RGS17: variants seen among roughly 807,000 people sequenced by gnomAD.
The protein encoded by RGS17 is regulator of G protein signaling 17.
In RGS17, 12 loss-of-function variants were observed where a neutral mutation model predicts 25.5. The ratio of observed to expected loss-of-function variants is 0.47; its 90% CI spans 0.30 to 0.76. The LOEUF is 0.76. Among genes scored for constraint, RGS17 ranks in the 30% least tolerant of loss-of-function variants. The pLI, the probability that RGS17 is intolerant of heterozygous loss-of-function variation, is 0.07. For synonymous variants in RGS17, 71 were observed against 76.9 expected (o/e 0.92, Z 0.40); for missense variants, 196 against 242.2 (o/e 0.81, Z 1.27).
chr6:153,100,530 A>G (rs142217230), intron 1 of RGS17, among the ~76,000 whole-genome samples: 1,305 of 108,914 alleles, frequency 0.012, 12 homozygotes, highest in South Asian at 0.036. Flanking sequence ...ATTACCCATC[A>G]CCTAAAAAGA....
At chr6:153,064,102 C>T (rs1420195356) in intron 1 of RGS17, among the ~76,000 whole-genome samples, 4 of 152,122 alleles carry the variant, frequency 2.6e-5, no homozygotes, top group Admixed American at 1.3e-4. Context: ...TAACAGAGTA[C>T]TTCAATCAGA....
rs374422319 is a variant in RGS17 at position 153,109,649 on chromosome 6, T to A, written c.-26+21475A>T. Among the ~76,000 whole-genome samples the A allele has an allele frequency of 1.4e-3, 157 of 115,228 alleles. 2 individuals carry two copies. Among genetic ancestry groups the A allele is most frequent in the African/African-American group, 5.2e-3 (152 of 29,006 alleles). The allele number at this position is 115,228 out of a possible 152,430, so 75.6% of individuals were successfully genotyped here. On this transcript the variant is annotated intron_variant, in intron 1 of 4. Transcript: ENST00000206262. ...ATTTCAGATGCTTCAAGTAAAGCCA[T>A]TAGAAAAAAACAATTTGTAACATTT...
chr6:153,022,076 C>T (rs1235858218), intron 4 of RGS17, among the ~76,000 whole-genome samples: 2 of 152,074 alleles, frequency 1.3e-5, no homozygotes, highest in African/African-American at 2.4e-5. Context: ...GGCGTGTTGG[C>T]GGGTGCCTGT....
At chr6:153,013,182 G>A (rs1283095861) in intron 4 of RGS17, among the ~76,000 whole-genome samples, 2 of 152,094 alleles carry the variant, frequency 1.3e-5, no homozygotes, top group Non-Finnish European at 2.9e-5. Flanking sequence ...CTGTGTCTCT[G>A]TGTCACATTT....
At chr6:153,021,696 A>T (rs78379293) in intron 4 of RGS17, among the ~76,000 whole-genome samples, 1 of 152,344 alleles carries the variant, frequency 6.6e-6, no homozygotes, top group Non-Finnish European at 1.5e-5. Flanking sequence ...AATTAGAACA[A>T]GTTGAATTTC....
intron 1 of RGS17, among the ~76,000 whole-genome samples, chr6:153,106,394 G>C (rs563332430): frequency 1.3e-5 from 2 of 151,882 alleles, no homozygotes; most frequent in South Asian, 2.1e-4. Context: ...AAGGCACACA[G>C]AAGTGGCAAA....
intron 2 of RGS17, among the ~76,000 whole-genome samples, chr6:153,033,662 G>A (rs757849769): frequency 6.6e-6 from 1 of 152,120 alleles, no homozygotes; most frequent in Non-Finnish European, 1.5e-5. Context: ...AGGTTGCAGT[G>A]AGCTGAGATG....
At chr6:153,060,349 A>C (rs1054152827) in intron 1 of RGS17, among the ~76,000 whole-genome samples, 4 of 152,132 alleles carry the variant, frequency 2.6e-5, no homozygotes, top group East Asian at 3.9e-4. Context: ...CGGACATCCT[A>C]AACAGTCTCA....
chr6:153,112,430 A>C (rs2129125585), intron 1 of RGS17, among the ~76,000 whole-genome samples: 1 of 152,342 alleles, frequency 6.6e-6, no homozygotes, highest in African/African-American at 2.4e-5. Flanking sequence ...TATGGAAAAG[A>C]CCAAATCTAC....
chr6:153,036,348 C>T (rs191542578), intron 2 of RGS17, among the ~76,000 whole-genome samples: 8 of 152,220 alleles, frequency 5.3e-5, no homozygotes, highest in Non-Finnish European at 7.4e-5. Context: ...CCACTGTGCC[C>T]GGCCCCCTTG....
chr6:153,035,711 T>C lies in RGS17; in HGVS notation c.119+8189A>G, dbSNP rs367981776. On this transcript the variant is annotated intron_variant, in intron 2 of 4. Coordinates refer to ENST00000206262, the MANE Select transcript of RGS17 (RefSeq NM_012419.5). ...GGATTTGGAATGGTTGAATTTCATA[T>C]TGCCTTGGAAAATGAATAATTTGCT... Among the ~76,000 whole-genome samples, 381 of 152,318 alleles carry C rather than the reference T, an allele frequency of 2.5e-3. 2 individuals carry two copies. Among genetic ancestry groups the C allele is most frequent in the African/African-American group, 8.6e-3 (356 of 41,578 alleles).
chr6:153,109,321 T>C (rs1777433188), intron 1 of RGS17, among the ~76,000 whole-genome samples: 1 of 152,218 alleles, frequency 6.6e-6, no homozygotes, highest in African/African-American at 2.4e-5. Context: ...ACTTTGCCAA[T>C]GAGTTTATGA....
chr6:153,114,594 A>G (rs1226842713), intron 1 of RGS17, among the ~76,000 whole-genome samples: 1 of 152,232 alleles, frequency 6.6e-6, no homozygotes, highest in Non-Finnish European at 1.5e-5. Flanking sequence ...GGCTGGCATC[A>G]TCCTGATACC....
intron 1 of RGS17, among the ~76,000 whole-genome samples, chr6:153,117,463 T>C (rs1196834115): frequency 6.6e-6 from 1 of 152,102 alleles, no homozygotes; most frequent in Non-Finnish European, 1.5e-5. Context: ...TATCAAACAA[T>C]CTCATCCAAT....
intron 1 of RGS17, among the ~76,000 whole-genome samples, chr6:153,079,984 A>T (rs962177382): frequency 1.3e-5 from 2 of 151,832 alleles, no homozygotes; most frequent in African/African-American, 4.8e-5. Context: ...TCTGTTTTTT[A>T]TTTTTATTTA....
At chr6:153,107,699 G>A (rs1279230345) in intron 1 of RGS17, among the ~76,000 whole-genome samples, 1 of 152,134 alleles carries the variant, frequency 6.6e-6, no homozygotes, top group Non-Finnish European at 1.5e-5. Flanking sequence ...CACTTGCTCT[G>A]TTTCACCTGA....
intron 1 of RGS17, among the ~76,000 whole-genome samples, chr6:153,083,533 T>C (rs1430706194): frequency 6.6e-6 from 1 of 152,238 alleles, no homozygotes; most frequent in Non-Finnish European, 1.5e-5. Context: ...GTGGTAAGTC[T>C]GTTTTTATGG....
At chr6:153,052,284 T>C (rs771694065) in intron 1 of RGS17, among the ~76,000 whole-genome samples, 2 of 152,018 alleles carry the variant, frequency 1.3e-5, no homozygotes, top group African/African-American at 4.8e-5. Flanking sequence ...GGGCCTGGAG[T>C]GCACAGCATC....
intron 1 of RGS17, among the ~76,000 whole-genome samples, chr6:153,066,083 A>G (rs1029133867): frequency 2.0e-5 from 3 of 152,158 alleles, no homozygotes; most frequent in Admixed American, 6.5e-5. Flanking sequence ...AAAGTCAAAA[A>G]TGAAAAAGGA....
Sources: allele counts gnomAD v4.1 joint callset (sites outside exome capture counted in the v4.1 genomes callset), GRCh38; gene constraint gnomAD v4.1.1; transcripts MANE v1.5; gene names NCBI Gene and HGNC (gene_info 2026-07-23, HGNC 2026-07-21).